The following RAD1 variants were observed in gnomAD, a reference collection of about 807,000 sequenced individuals.
RAD1 encodes the protein cell cycle checkpoint protein RAD1.
In RAD1, 21 loss-of-function variants were observed where a neutral mutation model predicts 30.0. The observed-to-expected ratio is 0.70, with a 90% CI of 0.50 to 1.01. RAD1 has a LOEUF of 1.01. RAD1 is among the 50% of genes least tolerant of loss of function. The pLI, the probability that RAD1 is intolerant of heterozygous loss-of-function variation, is 0.00. For synonymous variants in RAD1, 109 were observed against 113.6 expected, an observed-to-expected ratio of 0.96 and a Z score of 0.26; for missense variants, 329 against 329.0, an observed-to-expected ratio of 1.00 and a Z score of 0.00.
In RAD1 at chr5:34,914,679, G is replaced by A; in HGVS notation, c.198+16C>T. 1 of 1,613,180 alleles carries A rather than the reference G, an allele frequency of 6.2e-7. No individual in the cohort carries two copies. Among genetic ancestry groups the A allele is most frequent in the Non-Finnish European group, 8.5e-7 (1 of 1,179,182 alleles). ...GAGTATCTATGGCACAGGCTTAAAGGCGCCTACTTCCATACCTGAATAAAA... is the reference window on the plus strand; with the variant it reads ...GAGTATCTATGGCACAGGCTTAAAGACGCCTACTTCCATACCTGAATAAAA... On this transcript the variant is annotated intron_variant, in intron 2 of 5. Coordinates refer to ENST00000382038, the MANE Select transcript of RAD1 (RefSeq NM_002853.4).
rs41271671 is a variant in RAD1 at position 34,914,887 on chromosome 5, G to T, written c.6C>A (p.Pro2=). 12 of 1,613,960 alleles carry T rather than the reference G, an allele frequency of 7.4e-6. No individual in the cohort carries two copies. The highest frequency in any genetic ancestry group is 1.0e-5 in the Non-Finnish European group (12 of 1,180,036). M[P]LLTQQIQDED... The stretch of plus-strand genomic sequence containing the variant: ...CGTCTTGGATCTGTTGGGTCAGAAG[G>T]GGCATCGTCCACTGCGCATTCGGCC... The change falls in exon 2 of 6, where the codon CCC becomes CCA. Residue 2 remains proline, a synonymous_variant. Coordinates refer to ENST00000382038, the MANE Select transcript of RAD1 (RefSeq NM_002853.4).
At chr5:34,913,731 A>G in intron 2 of RAD1, 153 bp from the exon 3 acceptor site, 1 of 594,728 alleles carries the variant, frequency 1.7e-6, no homozygotes, top group Non-Finnish European at 3.0e-6. Context: ...TCTTAGAGAC[A>G]TCCTTTGAAG....
At position 34,908,804 on chromosome 5, in the gene RAD1, G is replaced by A; in HGVS notation, c.810C>T (p.Tyr270=). ...CAGGAACTTCTTCATCAGGGCAGCA[G>A]TAATATTCCACAAAACATATTTGTC... ...EDGQICFVEY[Y]CCPDEEVPES... The change falls in exon 6 of 6, where the codon TAC becomes TAT. Residue 270 remains tyrosine, a synonymous_variant. Coordinates refer to ENST00000382038, the MANE Select transcript of RAD1 (RefSeq NM_002853.4). The A allele has an allele frequency of 6.2e-7, 1 of 1,611,126 alleles. No homozygotes were observed. Among genetic ancestry groups the A allele is most frequent in the Non-Finnish European group, 8.5e-7 (1 of 1,179,276 alleles).
intron 3 of RAD1, among the ~76,000 whole-genome samples, chr5:34,912,046 C>A (rs1249449936): frequency 2.0e-5 from 3 of 152,200 alleles, no homozygotes; most frequent in Non-Finnish European, 4.4e-5. Context: ...TCTTTGGAAT[C>A]ATTTTCAGGT....
rs191833430 is a variant in RAD1, at chr5:34,907,751, C to G, written c.*1014G>C. The G allele has an allele frequency of 6.6e-6, 1 of 152,268 alleles. No individual in the cohort carries two copies. The highest frequency in any genetic ancestry group is 2.4e-5 in the African/African-American group (1 of 41,558). 9.4% of individuals were successfully genotyped at this position (152,268 alleles called of 1,614,324 possible). ...TTTATATCCCATTCATAGATCTCTT[C>G]AAAAGGTCTACTTTAAAAATAAATC... On this transcript the variant is annotated 3_prime_UTR_variant, in exon 6 of 6. Transcript: ENST00000382038.
Position 34,908,637 on chromosome 5 carries a change from G to T in RAD1, c.*128C>A. The T allele has an allele frequency of 1.3e-6, 1 of 775,426 alleles. No individual in the cohort carries two copies. The allele number at this position is 775,426 out of a possible 1,614,324, so 48.0% of individuals were successfully genotyped here. On this transcript the variant is annotated 3_prime_UTR_variant, in exon 6 of 6. Coordinates refer to ENST00000382038, the MANE Select transcript of RAD1 (RefSeq NM_002853.4). ...AGTAACTATTAGGGTACATGACCTT[G>T]CTCCTATCTTCCCCATTGTGCTTCT...
rs1042784623 is a variant in RAD1, at chr5:34,907,536, T to C, written c.*1229A>G. ...GATAATTTTTGCATTTTATTAAATA[T>C]ATTTATATGCCACAAAAATTATTTT... is the stretch of plus-strand genomic sequence containing the variant. On this transcript the variant is annotated 3_prime_UTR_variant, in exon 6 of 6. Transcript: ENST00000382038. 2 of 152,222 alleles carry C rather than the reference T, an allele frequency of 1.3e-5. No individual in the cohort carries two copies. The highest frequency in any genetic ancestry group is 4.8e-5 in the African/African-American group (2 of 41,452). The allele number at this position is 152,222 out of a possible 1,614,324, so 9.4% of individuals were successfully genotyped here. A position where few individuals can be genotyped will look rare whatever the true frequency, so the allele number is the denominator to read the frequency against.
In RAD1 at chr5:34,906,884, C is replaced by A. The variant is rs920700019; in HGVS notation, c.*1881G>T. The A allele has an allele frequency of 6.6e-6, 1 of 151,842 alleles. No individual in the cohort carries two copies. The highest frequency in any genetic ancestry group is 1.5e-5 in the Non-Finnish European group (1 of 67,962). 9.4% of individuals were successfully genotyped at this position (151,842 alleles called of 1,614,324 possible). On this transcript the variant is annotated 3_prime_UTR_variant, in exon 6 of 6. Coordinates refer to ENST00000382038, the MANE Select transcript of RAD1 (RefSeq NM_002853.4). ...AATGTTGACTGATTAGATATTTTCC[C>A]AAGTATCTTTTAGGTTTGTTCTGTT...
At chr5:34,910,097 C>T (rs1226321284) in intron 4 of RAD1, among the ~76,000 whole-genome samples, 1 of 152,094 alleles carries the variant, frequency 6.6e-6, no homozygotes, top group Non-Finnish European at 1.5e-5. Context: ...CTAAATGGAT[C>T]TCCTGAGCAC....
At chr5:34,913,284 A>C (rs1436694497) in intron 3 of RAD1, among the ~76,000 whole-genome samples, 186 bp downstream of exon 3, 1 of 152,248 alleles carries the variant, frequency 6.6e-6, no homozygotes, top group Non-Finnish European at 1.5e-5. Context: ...TACTTTTACA[A>C]ATATGAAAAG....
At chr5:34,913,340 A>G (rs1485975803) in intron 3 of RAD1, 130 bp downstream of exon 3, 4 of 481,744 alleles carry the variant, frequency 8.3e-6, no homozygotes, top group Non-Finnish European at 1.5e-5. Flanking sequence ...GTTAGAACCC[A>G]TGACTGTGGC....
chr5:34,913,750 T>C (rs1763927556), intron 2 of RAD1, 172 bp from the exon 3 acceptor site: 1 of 580,986 alleles, frequency 1.7e-6, no homozygotes, highest in South Asian at 2.1e-5. Flanking sequence ...AGCATCCTTA[T>C]CTCCATTCCT....
At chr5:34,909,056 A>G in intron 5 of RAD1, 108 bp from the exon 6 acceptor site, 1 of 1,122,778 alleles carries the variant, frequency 8.9e-7, no homozygotes, top group Non-Finnish European at 1.3e-6. Flanking sequence ...TCAAGTACTT[A>G]TCCAATTTGC....
At chr5:34,909,405 C>T (rs1450935541) in intron 4 of RAD1, 49 bp from the exon 5 acceptor site, 3 of 1,293,996 alleles carry the variant, frequency 2.3e-6, no homozygotes, top group Non-Finnish European at 1.1e-6. Context: ...AAATAAACCA[C>T]ATTAGGATCC....
chr5:34,915,270 C>G, intron 1 of RAD1, 146 bp downstream of exon 1: 1 of 282,832 alleles, frequency 3.5e-6, no homozygotes, highest in Non-Finnish European at 6.7e-6. Flanking sequence ...CGCCACCAGC[C>G]CCGCCTCCAA....
In RAD1 at chr5:34,914,614, T is replaced by C. The variant is rs1299624673; in HGVS notation, c.198+81A>G. The C allele has an allele frequency of 2.3e-6, 3 of 1,330,928 alleles. No homozygotes were observed. In the South Asian group the frequency reaches 3.6e-5, roughly 16 times the overall value. 82.4% of individuals were successfully genotyped at this position (1,330,928 alleles called of 1,614,324 possible). A position where few individuals can be genotyped will look rare whatever the true frequency, so the allele number is the denominator to read the frequency against. On this transcript the variant is annotated intron_variant, in intron 2 of 5. Coordinates refer to ENST00000382038, the MANE Select transcript of RAD1 (RefSeq NM_002853.4). The stretch of plus-strand genomic sequence containing the variant: ...AAGTTATTATGACTATTAAGTTATT[T>C]TGTCTACTGAAACCTTCCGATTTCA...
At chr5:34,910,676 C>T (rs1580506541) in intron 4 of RAD1, among the ~76,000 whole-genome samples, 1 of 152,200 alleles carries the variant, frequency 6.6e-6, no homozygotes, top group Admixed American at 6.5e-5. Context: ...GATCTGCCCA[C>T]TTCGGCCTCC....
chr5:34,908,646 T>A lies in RAD1; in HGVS notation c.*119A>T. 1.1e-6 allele frequency: 1 copy of A among 895,952 alleles called. No individual in the cohort carries two copies. Among genetic ancestry groups the A allele is most frequent in the South Asian group, 1.9e-5 (1 of 53,668 alleles). The allele number at this position is 895,952 out of a possible 1,614,324, so 55.5% of individuals were successfully genotyped here. A position where few individuals can be genotyped will look rare whatever the true frequency, so the allele number is the denominator to read the frequency against. On this transcript the variant is annotated 3_prime_UTR_variant, in exon 6 of 6. Coordinates refer to ENST00000382038, the MANE Select transcript of RAD1 (RefSeq NM_002853.4). Reference sequence around the variant, plus strand: ...TAGGGTACATGACCTTGCTCCTATCTTCCCCATTGTGCTTCTTCTCTATAG... The same window carrying A: ...TAGGGTACATGACCTTGCTCCTATCATCCCCATTGTGCTTCTTCTCTATAG...
intron 2 of RAD1, 58 bp from the exon 3 acceptor site, chr5:34,913,636 A>C: frequency 9.6e-7 from 1 of 1,041,584 alleles, no homozygotes; most frequent in Non-Finnish European, 1.4e-6. Flanking sequence ...TAATAATATA[A>C]GGTCCTAGAT....
Sources: gnomAD v4.1 joint callset for allele counts (sites outside exome capture counted in the v4.1 genomes callset) on GRCh38, gnomAD v4.1.1 for gene constraint, MANE v1.5 for transcripts, NCBI Gene and HGNC (gene_info 2026-07-23, HGNC 2026-07-21) for gene names.